The following CNTNAP2 variants were observed in gnomAD, a reference collection of about 807,000 sequenced individuals.
CNTNAP2 encodes the protein contactin associated protein 2.
In CNTNAP2, 98 loss-of-function variants were observed where a neutral mutation model predicts 155.2. The ratio of observed to expected loss-of-function variants is 0.63; its 90% CI spans 0.54 to 0.75. The LOEUF is 0.75. Ranked by LOEUF, CNTNAP2 falls within the 30% of genes least tolerant of loss-of-function variation. The pLI, the probability that CNTNAP2 is intolerant of heterozygous loss-of-function variation, is 0.00. For missense variants in CNTNAP2, 1,727 were observed against 1,688.1 expected, an observed-to-expected ratio of 1.02 and a Z score of -0.40; for synonymous variants, 651 against 631.2, an observed-to-expected ratio of 1.03 and a Z score of -0.47.
At chr7:146,616,708 C>A (rs1008284556) in intron 1 of CNTNAP2, among the ~76,000 whole-genome samples, 2 of 152,182 alleles carry the variant, frequency 1.3e-5, no homozygotes, top group African/African-American at 2.4e-5. Flanking sequence ...CCCAGACTAG[C>A]GTCTCTTCTA....
At chr7:147,481,708 G>A (rs542453000) in intron 10 of CNTNAP2, among the ~76,000 whole-genome samples, 5 of 152,296 alleles carry the variant, frequency 3.3e-5, no homozygotes, top group African/African-American at 1.2e-4. Flanking sequence ...TTAATTGGAT[G>A]CATCACTTCT....
rs548220734 is a variant in CNTNAP2, at chr7:147,237,049, C to CTTTTTTTTTTTTTTTTTTT, written c.1349-63074_1349-63056dup. Among the ~76,000 whole-genome samples the CTTTTTTTTTTTTTTTTTTT allele has an allele frequency of 1.1e-3, 66 of 57,472 alleles. 10 individuals are homozygous for CTTTTTTTTTTTTTTTTTTT. Among genetic ancestry groups the CTTTTTTTTTTTTTTTTTTT allele is most frequent in the Admixed American group, 1.7e-3 (7 of 4,194 alleles). 37.7% of individuals were successfully genotyped at this position (57,472 alleles called of 152,430 possible). On this transcript the variant is annotated intron_variant, in intron 8 of 23. Coordinates refer to ENST00000361727, the MANE Select transcript of CNTNAP2 (RefSeq NM_014141.6). Reference sequence around the variant, plus strand: ...CCACTTCCTTTAGCCTTCACCTCCTCTTTTTTTTTTTTTTTTTTTTTTTTT... The same window carrying CTTTTTTTTTTTTTTTTTTT: ...CCACTTCCTTTAGCCTTCACCTCCTCTTTTTTTTTTTTTTTTTTTTTTTTTTTTTTTTTTTTTTTTTTTT...
At chr7:146,720,207 A>G (rs774682013) in intron 1 of CNTNAP2, among the ~76,000 whole-genome samples, 9 of 152,004 alleles carry the variant, frequency 5.9e-5, no homozygotes, top group Non-Finnish European at 1.3e-4. Context: ...GTTTGGTGCA[A>G]TTTCTGGTTT....
At chr7:146,296,359 A>G (rs1408583490) in intron 1 of CNTNAP2, among the ~76,000 whole-genome samples, 1 of 152,006 alleles carries the variant, frequency 6.6e-6, no homozygotes, top group Non-Finnish European at 1.5e-5. Context: ...CCCCAAGGTG[A>G]TGTGTGTGAG....
intron 3 of CNTNAP2, among the ~76,000 whole-genome samples, chr7:146,953,533 A>T (rs975244057): frequency 1.3e-5 from 2 of 152,000 alleles, no homozygotes; most frequent in African/African-American, 4.8e-5. Flanking sequence ...TAACTTCTAT[A>T]TAGGTTTGTA....
intron 9 of CNTNAP2, among the ~76,000 whole-genome samples, chr7:147,326,504 T>C (rs991351783): frequency 1.3e-5 from 2 of 152,212 alleles, no homozygotes; most frequent in African/African-American, 4.8e-5. Flanking sequence ...GATATACAAA[T>C]ATTTGTTTGA....
intron 13 of CNTNAP2, among the ~76,000 whole-genome samples, chr7:147,649,597 G>T (rs1216144014): frequency 6.6e-6 from 1 of 151,966 alleles, no homozygotes; most frequent in African/African-American, 2.4e-5. Flanking sequence ...TTAATGAACG[G>T]ATTTGTCCTA....
chr7:147,788,618 A>G (rs550901094), intron 13 of CNTNAP2, among the ~76,000 whole-genome samples: 1 of 152,232 alleles, frequency 6.6e-6, no homozygotes, highest in Admixed American at 6.5e-5. Flanking sequence ...AAATGACATC[A>G]AAATTTATCT....
chr7:147,340,646 A>G (rs1795745834), intron 9 of CNTNAP2, among the ~76,000 whole-genome samples: 1 of 152,116 alleles, frequency 6.6e-6, no homozygotes, highest in Admixed American at 6.6e-5. Flanking sequence ...ATATGTCCTA[A>G]AAACACTTAT....
intron 21 of CNTNAP2, among the ~76,000 whole-genome samples, chr7:148,356,904 AAAAC>A: frequency 6.6e-6 from 1 of 151,598 alleles, no homozygotes; most frequent in Non-Finnish European, 1.5e-5. Flanking sequence ...AAAAAACAAA[AAAAC>A]AAAAAAAAAA....
rs183156283 is a variant in CNTNAP2 at position 146,562,804 on chromosome 7, G to A, written c.98-211467G>A. On this transcript the variant is annotated intron_variant, in intron 1 of 23. Transcript: ENST00000361727. Reference sequence around the variant, plus strand: ...TAGGTTTTTTTATTTAATCAAAAAGGAATTTTACAATTCAATCAATTGATT... The same window carrying A: ...TAGGTTTTTTTATTTAATCAAAAAGAAATTTTACAATTCAATCAATTGATT... Among the ~76,000 whole-genome samples the A allele has an allele frequency of 2.4e-3, 372 of 152,032 alleles. 8 individuals carry two copies. Among genetic ancestry groups the A allele is most frequent in the South Asian group, 8.3e-4 (4 of 4,812 alleles).
At chr7:146,341,522 C>A (rs1794727196) in intron 1 of CNTNAP2, among the ~76,000 whole-genome samples, 1 of 152,030 alleles carries the variant, frequency 6.6e-6, no homozygotes, top group Non-Finnish European at 1.5e-5. Context: ...ACAGTTGCGA[C>A]AATTTTGTGC....
chr7:147,664,346 C>T (rs117561139), intron 13 of CNTNAP2, among the ~76,000 whole-genome samples: 2,554 of 152,262 alleles, frequency 0.017, 223 homozygotes, highest in Admixed American at 0.15. Context: ...GCTGTTTCCT[C>T]GTAGCCCCAA....
At chr7:147,707,582 T>A (rs1056205110) in intron 13 of CNTNAP2, among the ~76,000 whole-genome samples, 2 of 152,170 alleles carry the variant, frequency 1.3e-5, no homozygotes, top group South Asian at 4.1e-4. Flanking sequence ...TATGCTAATA[T>A]ACCTGTGTTA....
intron 1 of CNTNAP2, among the ~76,000 whole-genome samples, chr7:146,503,892 A>G (rs1224937432): frequency 6.6e-6 from 1 of 152,102 alleles, no homozygotes; most frequent in African/African-American, 2.4e-5. Flanking sequence ...CTAAAAGAAC[A>G]CTCAAGGGAC....
In CNTNAP2 at chr7:148,351,728, G is replaced by T. The variant is rs1461148524; in HGVS notation, c.3476-31921G>T. ...TCTGCACTCCAGCCTGGGCAACAGA[G>T]TGAGACTCTGTCTCACAAAAAAAAA... On this transcript the variant is annotated intron_variant, in intron 21 of 23. Coordinates refer to ENST00000361727, the MANE Select transcript of CNTNAP2 (RefSeq NM_014141.6). Among the ~76,000 whole-genome samples the T allele has an allele frequency of 6.2e-4, 58 of 93,062 alleles. 1 individual carries two copies. The Admixed American group carries it at 6.7e-3, about 11-fold the overall frequency. The allele number at this position is 93,062 out of a possible 152,430, so 61.1% of individuals were successfully genotyped here. A position where few individuals can be genotyped will look rare whatever the true frequency, so the allele number is the denominator to read the frequency against.
chr7:147,835,106 T>C (rs1798614036), intron 13 of CNTNAP2, among the ~76,000 whole-genome samples: 1 of 152,132 alleles, frequency 6.6e-6, no homozygotes, highest in Admixed American at 6.5e-5. Flanking sequence ...CAATGAAACA[T>C]TCCCCTGTAA....
chr7:147,058,188 C>T (rs192094997), intron 4 of CNTNAP2, among the ~76,000 whole-genome samples: 2 of 152,136 alleles, frequency 1.3e-5, no homozygotes, highest in Admixed American at 1.3e-4. Flanking sequence ...GGACATTTTC[C>T]TTATTGTGAA....
chr7:147,970,922 G>A (rs1322747884), intron 14 of CNTNAP2, among the ~76,000 whole-genome samples: 1 of 152,182 alleles, frequency 6.6e-6, no homozygotes, highest in African/African-American at 2.4e-5. Flanking sequence ...GGGACATTCT[G>A]TGCCATTTAA....
Sources: gnomAD v4.1 joint callset for allele counts (sites outside exome capture counted in the v4.1 genomes callset) on GRCh38, gnomAD v4.1.1 for gene constraint, MANE v1.5 for transcripts, NCBI Gene and HGNC (gene_info 2026-07-23, HGNC 2026-07-21) for gene names.